The following GJB7 variants were observed in gnomAD, a reference collection of about 807,000 sequenced individuals.
GJB7 encodes gap junction beta-7 protein.
For missense variants in GJB7, 253 were observed against 256.8 expected (o/e 0.99, Z 0.10); for synonymous variants, 87 against 95.2 (o/e 0.91, Z 0.50).
intron 2 of GJB7, among the ~76,000 whole-genome samples, chr6:87,293,317 C>A (rs1272830460): frequency 1.3e-5 from 2 of 152,250 alleles, no homozygotes; most frequent in African/African-American, 4.8e-5. Context: ...GCATGAGCCA[C>A]CGCACCCAGC....
intron 2 of GJB7, among the ~76,000 whole-genome samples, chr6:87,310,126 T>A (rs1375651531): frequency 6.6e-6 from 1 of 152,174 alleles, no homozygotes; most frequent in Non-Finnish European, 1.5e-5. Context: ...TCATCTTGAT[T>A]GCTAACTCAC....
At chr6:87,286,942 A>G (rs1349235207) in intron 2 of GJB7, among the ~76,000 whole-genome samples, 1 of 152,198 alleles carries the variant, frequency 6.6e-6, no homozygotes, top group African/African-American at 2.4e-5. Flanking sequence ...CACTTGCACC[A>G]TACACATTTT....
chr6:87,318,441 T>C (rs1393941507), intron 2 of GJB7, among the ~76,000 whole-genome samples: 1 of 152,204 alleles, frequency 6.6e-6, no homozygotes, highest in East Asian at 1.9e-4. Flanking sequence ...GTTCAGCTGA[T>C]CTGGGCAGGC....
chr6:87,318,122 T>TTC (rs1456665939), intron 2 of GJB7, among the ~76,000 whole-genome samples: 1 of 151,124 alleles, frequency 6.6e-6, no homozygotes. Context: ...CCATTCTATT[T>TTC]TTTTTTTTTT....
intron 2 of GJB7, among the ~76,000 whole-genome samples, chr6:87,314,978 T>G (rs1776560414): frequency 6.6e-6 from 1 of 152,212 alleles, no homozygotes; most frequent in Non-Finnish European, 1.5e-5. Context: ...ATCTCTCTTG[T>G]GCACTCAGAG....
Position 87,284,424 on chromosome 6 carries a change from G to T in GJB7, c.489C>A (p.Pro163=), listed in dbSNP as rs932768821. The stretch of plus-strand genomic sequence containing the variant: ...TGGAGATGAAGCAGTCCACAGTGTT[G>T]GGACAAGGCTTCAAATCACACTTTA... ...YLIKCDLKPC[P]NTVDCFISKP... is the part of the protein sequence containing the mutation. Residue 163 remains proline (P), a synonymous_variant, in exon 3 of 3, where the codon CCC becomes CCA. Coordinates refer to ENST00000525899, the MANE Select transcript of GJB7 (RefSeq NM_198568.3). 3 of 1,613,986 alleles carry T rather than the reference G, an allele frequency of 1.9e-6. No homozygotes were observed. The highest frequency in any genetic ancestry group is 2.5e-6 in the Non-Finnish European group (3 of 1,179,966).
chr6:87,327,275 G>T (rs28884209), intron 1 of GJB7, among the ~76,000 whole-genome samples: 87,672 of 142,446 alleles, frequency 0.62, 27,604 homozygotes, highest in African/African-American at 0.7. Context: ...ACATTTAAAG[G>T]TAATATTGTT....
chr6:87,300,452 TC>T, intron 2 of GJB7: 1 of 239,364 alleles, frequency 4.2e-6, no homozygotes, highest in Non-Finnish European at 9.1e-6. Flanking sequence ...ATGTTCTTAT[TC>T]CTAGAATAGT....
chr6:87,306,292 A>G (rs564426619), intron 2 of GJB7, among the ~76,000 whole-genome samples: 2 of 152,334 alleles, frequency 1.3e-5, no homozygotes, highest in South Asian at 4.1e-4. Context: ...ACAAAGGGCT[A>G]ATATCCAGAA....
intron 2 of GJB7, among the ~76,000 whole-genome samples, chr6:87,302,678 T>C (rs965238098): frequency 3.3e-5 from 5 of 151,794 alleles, no homozygotes; most frequent in East Asian, 3.9e-4. Flanking sequence ...ATACAGAGAA[T>C]GCCACAAAGA....
chr6:87,322,585 A>AGCGGG (rs1776689265), intron 2 of GJB7: 1 of 152,088 alleles, frequency 6.6e-6, no homozygotes, highest in Non-Finnish European at 1.5e-5. Context: ...GGGGCGGCGA[A>AGCGGG]GCGGGGCGGG....
chr6:87,301,315 C>T (rs1016642706), intron 2 of GJB7, among the ~76,000 whole-genome samples: 1 of 152,158 alleles, frequency 6.6e-6, no homozygotes, highest in Non-Finnish European at 1.5e-5. Context: ...CCTGGAAAAT[C>T]GGGTCACTCC....
chr6:87,308,375 T>C (rs1489467157), intron 2 of GJB7, among the ~76,000 whole-genome samples: 3 of 152,012 alleles, frequency 2.0e-5, no homozygotes, highest in Admixed American at 6.5e-5. Flanking sequence ...TAAAGTATAA[T>C]AAAAAAATCA....
At chr6:87,295,124 A>T (rs1486010474) in intron 2 of GJB7, among the ~76,000 whole-genome samples, 3 of 152,170 alleles carry the variant, frequency 2.0e-5, no homozygotes, top group African/African-American at 7.2e-5. Flanking sequence ...AAAAAAAAAA[A>T]TGGCATAAGA....
At chr6:87,302,078 A>C (rs1248803482) in intron 2 of GJB7, among the ~76,000 whole-genome samples, 1 of 152,206 alleles carries the variant, frequency 6.6e-6, no homozygotes, top group Non-Finnish European at 1.5e-5. Context: ...AAAGATGGGG[A>C]AAAAACAGAG....
At chr6:87,328,346 A>C (rs1412385962) in intron 1 of GJB7, among the ~76,000 whole-genome samples, 1 of 151,992 alleles carries the variant, frequency 6.6e-6, no homozygotes, top group African/African-American at 2.4e-5. Context: ...TAGAGTTTCC[A>C]GTTTTTCTGC....
At chr6:87,327,985 C>A (rs1395617030) in intron 1 of GJB7, among the ~76,000 whole-genome samples, 2 of 151,504 alleles carry the variant, frequency 1.3e-5, no homozygotes, top group Non-Finnish European at 2.9e-5. Flanking sequence ...AACTTCCCTT[C>A]TCGCTTCATT....
intron 1 of GJB7, among the ~76,000 whole-genome samples, chr6:87,325,911 T>G (rs1459144498): frequency 6.6e-6 from 1 of 152,246 alleles, no homozygotes; most frequent in Non-Finnish European, 1.5e-5. Flanking sequence ...TCTTTTTGGT[T>G]GGTAAGCTAT....
At chr6:87,315,299 AT>A (rs1776564761) in intron 2 of GJB7, among the ~76,000 whole-genome samples, 2 of 152,126 alleles carry the variant, frequency 1.3e-5, no homozygotes, top group African/African-American at 4.8e-5. Flanking sequence ...CTGTCCAGCA[AT>A]GATATCTTTC....
Sources: allele counts gnomAD v4.1 joint callset (sites outside exome capture counted in the v4.1 genomes callset), GRCh38; gene constraint gnomAD v4.1.1; transcripts MANE v1.5; gene names NCBI Gene and HGNC (gene_info 2026-07-23, HGNC 2026-07-21).